The following DCDC2C variants were observed in gnomAD, a reference collection of about 807,000 sequenced individuals.
The protein encoded by DCDC2C is doublecortin domain containing 2C.
In DCDC2C, 44 loss-of-function variants were observed where a neutral mutation model predicts 45.0. The observed-to-expected ratio is 0.98, with a 90% confidence interval of 0.77 to 1.26. DCDC2C has a LOEUF of 1.26. DCDC2C is among the 50% of genes most tolerant of loss of function. The pLI is 0.00. For missense variants in DCDC2C, 447 were observed against 468.9 expected (o/e 0.95, Z 0.43); for synonymous variants, 187 against 178.8 (o/e 1.05, Z -0.37).
At chr2:3,841,984 T>C (rs1672226013) in intron 10 of DCDC2C, among the ~76,000 whole-genome samples, 1 of 152,178 alleles carries the variant, frequency 6.6e-6, no homozygotes, top group African/African-American at 2.4e-5. Flanking sequence ...TAAAGATCCA[T>C]ATTTTTACCC....
intron 10 of DCDC2C, among the ~76,000 whole-genome samples, chr2:3,821,514 A>AT (rs1307683323): frequency 6.6e-6 from 1 of 152,184 alleles, no homozygotes; most frequent in East Asian, 1.9e-4. Context: ...ATTAATATAC[A>AT]TTTTTTATAG....
intron 10 of DCDC2C, among the ~76,000 whole-genome samples, chr2:3,805,370 G>A (rs984729609): frequency 3.9e-5 from 6 of 152,330 alleles, no homozygotes; most frequent in African/African-American, 1.4e-4. Flanking sequence ...AGGATTGACA[G>A]CGGATAGGAG....
rs541992426 is a variant in DCDC2C, at chr2:3,806,166, A to T, written c.1065+21066A>T. Reference sequence around the variant, plus strand: ...TTCATTTGTAAAGTCCTGTTCCCTGATGAATCGGTCATGATTTTGCACTTC... The same window carrying T: ...TTCATTTGTAAAGTCCTGTTCCCTGTTGAATCGGTCATGATTTTGCACTTC... On this transcript the variant is annotated intron_variant, in intron 10 of 10. Coordinates refer to ENST00000399143, the MANE Select transcript of DCDC2C (RefSeq NM_001287444.2). Among the ~76,000 whole-genome samples the T allele has an allele frequency of 2.6e-5, 4 of 152,204 alleles. No homozygotes were observed. The South Asian group carries it at 6.2e-4, about 24-fold the overall frequency.
intron 2 of DCDC2C, among the ~76,000 whole-genome samples, chr2:3,714,752 AT>A (rs1395346401): frequency 6.6e-6 from 1 of 152,230 alleles, no homozygotes; most frequent in Non-Finnish European, 1.5e-5. Flanking sequence ...GGAGAATAAA[AT>A]TTAACTTTGT....
intron 10 of DCDC2C, among the ~76,000 whole-genome samples, chr2:3,804,421 A>AT (rs1202719145): frequency 2.0e-5 from 3 of 152,216 alleles, no homozygotes; most frequent in Admixed American, 6.5e-5. Context: ...CTAGTTTCTG[A>AT]TTCTGAAGAG....
rs79193450 is a variant in DCDC2C, at chr2:3,724,200, G to A, written c.340-2803G>A. On this transcript the variant is annotated intron_variant, in intron 2 of 10. Coordinates refer to ENST00000399143, the MANE Select transcript of DCDC2C (RefSeq NM_001287444.2). ...CTCCAGACCACATGGACGGTAAGAC[G>A]TAGAGCTGGGATTTGAATTCAGATT... Among the ~76,000 whole-genome samples, 460 of 152,304 alleles carry A rather than the reference G, an allele frequency of 3.0e-3. 14 individuals are homozygous for A. The East Asian group carries it at 0.079, about 26-fold the overall frequency.
At chr2:3,811,461 A>T (rs949938389) in intron 10 of DCDC2C, among the ~76,000 whole-genome samples, 1 of 152,180 alleles carries the variant, frequency 6.6e-6, no homozygotes, top group African/African-American at 2.4e-5. Context: ...GTTGCTTATC[A>T]GTTTATGGAA....
At chr2:3,715,343 T>G (rs1228371333) in intron 2 of DCDC2C, among the ~76,000 whole-genome samples, 1 of 152,150 alleles carries the variant, frequency 6.6e-6, no homozygotes, top group African/African-American at 2.4e-5. Context: ...CCAAGTTAAA[T>G]CTGTGCCCAT....
At chr2:3,705,722 G>C (rs1411596954) in intron 1 of DCDC2C, among the ~76,000 whole-genome samples, 1 of 152,136 alleles carries the variant, frequency 6.6e-6, no homozygotes, top group Non-Finnish European at 1.5e-5. Flanking sequence ...TGTACCTCCA[G>C]TTTTGTAGAG....
At chr2:3,802,544 C>T (rs1220233190) in intron 10 of DCDC2C, among the ~76,000 whole-genome samples, 1 of 152,170 alleles carries the variant, frequency 6.6e-6, no homozygotes, top group Non-Finnish European at 1.5e-5. Flanking sequence ...GTTTGGGAGG[C>T]TGGGAAGTGT....
At chr2:3,755,113 GTA>G (rs1288411477) in intron 6 of DCDC2C, among the ~76,000 whole-genome samples, 1 of 152,142 alleles carries the variant, frequency 6.6e-6, no homozygotes, top group Non-Finnish European at 1.5e-5. Flanking sequence ...GCATGTGTGT[GTA>G]TAAATACATG....
chr2:3,768,730 C>T (rs1318350544), intron 7 of DCDC2C, among the ~76,000 whole-genome samples: 1 of 152,144 alleles, frequency 6.6e-6, no homozygotes, highest in Non-Finnish European at 1.5e-5. Flanking sequence ...CCTCTCACCA[C>T]ACCTGGCTAA....
intron 6 of DCDC2C, among the ~76,000 whole-genome samples, chr2:3,759,644 A>C (rs186968785): frequency 6.6e-6 from 1 of 152,166 alleles, no homozygotes; most frequent in Non-Finnish European, 1.5e-5. Flanking sequence ...TGGGTTGCAC[A>C]TTTGTGTGAG....
chr2:3,750,596 C>T (rs139582297), intron 4 of DCDC2C, among the ~76,000 whole-genome samples: 80 of 152,192 alleles, frequency 5.3e-4, no homozygotes, highest in African/African-American at 1.7e-3. Flanking sequence ...TGAAAGGCCC[C>T]GGTTGGTCCT....
chr2:3,794,689 A>G (rs1670910915), intron 10 of DCDC2C, among the ~76,000 whole-genome samples: 2 of 152,240 alleles, frequency 1.3e-5, no homozygotes, highest in South Asian at 2.1e-4. Flanking sequence ...TACAAAGGAC[A>G]TGAACTCATC....
At chr2:3,760,170 G>A (rs186909265) in intron 6 of DCDC2C, among the ~76,000 whole-genome samples, 8 of 152,352 alleles carry the variant, frequency 5.3e-5, no homozygotes, top group African/African-American at 1.4e-4. Flanking sequence ...TGTCCAGAAT[G>A]TTTGAAAGAT....
Position 3,794,959 on chromosome 2 carries a change from G to A in DCDC2C, c.1065+9859G>A, listed in dbSNP as rs1403139480. ...CGCCACACTGACTTCCACAATGGTT[G>A]AACTAGTTTGCAGTCCCACCAACAG... On this transcript the variant is annotated intron_variant, in intron 10 of 10. Coordinates refer to ENST00000399143, the MANE Select transcript of DCDC2C (RefSeq NM_001287444.2). Among the ~76,000 whole-genome samples the A allele has an allele frequency of 4.0e-5, 6 of 151,356 alleles. No individual in the cohort carries two copies. In the East Asian group the frequency reaches 1.2e-3, roughly 29 times the overall value.
chr2:3,743,444 G>A (rs146716730), intron 4 of DCDC2C, among the ~76,000 whole-genome samples: 7 of 152,170 alleles, frequency 4.6e-5, no homozygotes, highest in East Asian at 3.9e-4. Context: ...CACCAGCAGC[G>A]GAATACACAT....
intron 3 of DCDC2C, among the ~76,000 whole-genome samples, chr2:3,739,945 T>C (rs2566089): frequency 0.7 from 106,781 of 152,138 alleles, 38,603 homozygotes; most frequent in East Asian, 0.97. Flanking sequence ...CGTCTGTATG[T>C]CCCCTAGAGT....
Sources: allele counts gnomAD v4.1 joint callset (sites outside exome capture counted in the v4.1 genomes callset), GRCh38; gene constraint gnomAD v4.1.1; transcripts MANE v1.5; gene names NCBI Gene and HGNC (gene_info 2026-07-23, HGNC 2026-07-21).